The following MCF2L2 variants were observed in gnomAD, a reference collection of about 807,000 sequenced individuals.
MCF2L2 encodes the protein probable guanine nucleotide exchange factor MCF2L2.
Under a neutral mutation model 150.2 loss-of-function variants are expected in MCF2L2, and 102 were observed. The ratio of observed to expected loss-of-function variants is 0.68; its 90% CI spans 0.58 to 0.80. MCF2L2 has a LOEUF of 0.80. Among genes scored for constraint, MCF2L2 ranks in the 30% least tolerant of loss-of-function variants. The probability of loss-of-function intolerance (pLI) is 0.00; values close to 1 mark genes in which losing one functional copy is unlikely to be tolerated. For synonymous variants in MCF2L2, 465 were observed against 491.3 expected, an observed-to-expected ratio of 0.95 and a Z score of 0.71; for missense variants, 1,256 against 1,372.8, an observed-to-expected ratio of 0.91 and a Z score of 1.34.
At position 183,181,322 on chromosome 3, in the gene MCF2L2, C is replaced by CG. The variant is rs145010379; in HGVS notation, c.3017-1164dup. Among the ~76,000 whole-genome samples the CG allele has an allele frequency of 0.026, 3,912 of 151,758 alleles. 171 individuals carry two copies. Among genetic ancestry groups the CG allele is most frequent in the African/African-American group, 0.09 (3,733 of 41,350 alleles). ...GGGGGCTGTGTGAGTAACATGGGGG[C>CG]GGGGGGGCAGCTGGGCAGCACCTCC... On this transcript the variant is annotated intron_variant, in intron 27 of 29. Transcript: ENST00000328913. This position sits in a 1 kb window ranked among gnomAD's most constrained non-coding sequence, Gnocchi z 4.3.
At chr3:183,358,277 G>C (rs1160668455) in intron 3 of MCF2L2, among the ~76,000 whole-genome samples, 2 of 151,972 alleles carry the variant, frequency 1.3e-5, no homozygotes, top group Non-Finnish European at 2.9e-5. Flanking sequence ...TGGGCAATGA[G>C]AGCGAAACTC....
In MCF2L2 at chr3:183,428,031, C is replaced by A; in HGVS notation, c.-54G>T. The A allele has an allele frequency of 7.3e-7, 1 of 1,373,618 alleles. No individual in the cohort carries two copies. The highest frequency in any genetic ancestry group is 1.2e-5 in the South Asian group (1 of 86,200). The allele number at this position is 1,373,618 out of a possible 1,614,324, so 85.1% of individuals were successfully genotyped here. A position where few individuals can be genotyped will look rare whatever the true frequency, so the allele number is the denominator to read the frequency against. On this transcript the variant is annotated 5_prime_UTR_variant, in exon 1 of 30. Transcript: ENST00000328913. This position sits in a 1 kb window ranked among gnomAD's most constrained non-coding sequence, Gnocchi z 5.1. Reference sequence around the variant, plus strand: ...AAGCCAAACAAAACTGTTTCTACCGCTGCGGTGGATGATTTTTTAAAGGCA... The same window carrying A: ...AAGCCAAACAAAACTGTTTCTACCGATGCGGTGGATGATTTTTTAAAGGCA...
intron 15 of MCF2L2, among the ~76,000 whole-genome samples, chr3:183,242,906 G>T (rs1397200272): frequency 2.0e-5 from 3 of 152,230 alleles, no homozygotes; most frequent in African/African-American, 7.2e-5. Context: ...CAAGGCTGTG[G>T]TGGGAACCCA....
rs79944327 is a variant in MCF2L2, at chr3:183,228,828, C to T, written c.2046-462G>A. Among the ~76,000 whole-genome samples the T allele has an allele frequency of 7.7e-3, 1,165 of 152,252 alleles. 5 individuals are homozygous for T. The highest frequency in any genetic ancestry group is 0.027 in the African/African-American group (1,124 of 41,554). On this transcript the variant is annotated intron_variant, in intron 17 of 29. Coordinates refer to ENST00000328913, the MANE Select transcript of MCF2L2 (RefSeq NM_015078.4). ...ACTGCTGCTGCTGCTGTTGCTATTA[C>T]TAATATCATTGACAGCTTACTATAA...
At chr3:183,230,854 T>C (rs1723523351) in intron 16 of MCF2L2, 97 bp downstream of exon 16, 3 of 853,030 alleles carry the variant, frequency 3.5e-6, no homozygotes, top group Non-Finnish European at 5.7e-6. Flanking sequence ...TGGTGGGAAT[T>C]CTGGAGACTT....
At chr3:183,229,904 G>C (rs1313109820) in intron 16 of MCF2L2, 123 bp from the exon 17 acceptor site, 1 of 487,068 alleles carries the variant, frequency 2.1e-6, no homozygotes, top group Non-Finnish European at 3.7e-6. Flanking sequence ...CTTGTTTCTT[G>C]AAAGCTATCG....
At chr3:183,350,570 G>A (rs952844948) in intron 3 of MCF2L2, among the ~76,000 whole-genome samples, 8 of 152,116 alleles carry the variant, frequency 5.3e-5, no homozygotes, top group Non-Finnish European at 7.4e-5. Flanking sequence ...AGAATGCTTC[G>A]AAAAATAACT....
chr3:183,288,871 T>C (rs1420063445), intron 14 of MCF2L2, among the ~76,000 whole-genome samples: 1 of 152,196 alleles, frequency 6.6e-6, no homozygotes, highest in African/African-American at 2.4e-5. Context: ...GATTTTTCTT[T>C]TACTACAACA....
chr3:183,179,807 G>A lies in MCF2L2; in HGVS notation c.3106-115C>T. On this transcript the variant is annotated intron_variant, in intron 28 of 29. Transcript: ENST00000328913. This position sits in a 1 kb window ranked among gnomAD's most constrained non-coding sequence, Gnocchi z 4.2. Reference sequence around the variant, plus strand: ...AGGCCCACCCCAGCCCTCCCACCTGGGCCACGGGGCTCTCAGCGGGAGCCC... The same window carrying A: ...AGGCCCACCCCAGCCCTCCCACCTGAGCCACGGGGCTCTCAGCGGGAGCCC... 1.1e-6 allele frequency: 1 copy of A among 903,312 alleles called. No individual in the cohort carries two copies. Among genetic ancestry groups the A allele is most frequent in the Non-Finnish European group, 1.7e-6 (1 of 574,982 alleles). 56.0% of individuals were successfully genotyped at this position (903,312 alleles called of 1,614,324 possible).
chr3:183,208,163 C>A (rs1354599270), intron 22 of MCF2L2, among the ~76,000 whole-genome samples: 4 of 152,180 alleles, frequency 2.6e-5, no homozygotes, highest in African/African-American at 9.7e-5. Context: ...ATGTTTGATA[C>A]ATGACAGTCT....
rs142777299 is a variant in MCF2L2 at position 183,244,789 on chromosome 3, T to C, written c.1863-13772A>G. ...CAGTTCAAATAGAGGCCCAGGGCTC[T>C]GAAACATTGCCCAAGGTCTATGGCT... On this transcript the variant is annotated intron_variant, in intron 15 of 29. Coordinates refer to ENST00000328913, the MANE Select transcript of MCF2L2 (RefSeq NM_015078.4). Among the ~76,000 whole-genome samples, 1,071 of 152,238 alleles carry C rather than the reference T, an allele frequency of 7.0e-3. 12 individuals carry two copies. Among genetic ancestry groups the C allele is most frequent in the African/African-American group, 0.024 (1,009 of 41,544 alleles).
At chr3:183,248,615 G>A (rs562229054) in intron 15 of MCF2L2, among the ~76,000 whole-genome samples, 5 of 152,190 alleles carry the variant, frequency 3.3e-5, no homozygotes, top group Admixed American at 2.0e-4. Context: ...CAGGTGGATC[G>A]CTTGAGCCCA....
intron 15 of MCF2L2, chr3:183,272,320 A>T: frequency 1.0e-6 from 1 of 1,000,328 alleles, no homozygotes; most frequent in Non-Finnish European, 1.2e-6. Context: ...GGCCAAAATA[A>T]TGACTTCAGC....
At chr3:183,364,925 A>G (rs546230594) in intron 3 of MCF2L2, among the ~76,000 whole-genome samples, 4 of 152,340 alleles carry the variant, frequency 2.6e-5, no homozygotes, top group Admixed American at 2.0e-4. Flanking sequence ...TACAAAATCA[A>G]TGACCACATA....
intron 6 of MCF2L2, among the ~76,000 whole-genome samples, chr3:183,319,770 G>T (rs1287873571): frequency 1.3e-5 from 2 of 152,150 alleles, no homozygotes; most frequent in East Asian, 3.9e-4. Context: ...CTCAACAGGT[G>T]GCTTAAAATA....
intron 10 of MCF2L2, among the ~76,000 whole-genome samples, chr3:183,301,893 A>G (rs979335497): frequency 2.0e-5 from 3 of 151,970 alleles, no homozygotes; most frequent in African/African-American, 7.3e-5. Context: ...AGGAACTTAG[A>G]TTTTTGGGAA....
In MCF2L2 at chr3:183,197,558, T is replaced by A. The variant is rs1169716229; in HGVS notation, c.2885-2303A>T. 6.6e-6 allele frequency among the ~76,000 whole-genome samples: 1 copy of A among 152,200 alleles called. No homozygotes were observed. The highest frequency in any genetic ancestry group is 1.5e-5 in the Non-Finnish European group (1 of 68,026). ...GGAGAAAATCTTTATGGCTTTTAGA[T>A]AACGATTTCTTAGGCAGGATACCGA... On this transcript the variant is annotated intron_variant, in intron 25 of 29. Coordinates refer to ENST00000328913, the MANE Select transcript of MCF2L2 (RefSeq NM_015078.4). This position sits in a 1 kb window ranked among gnomAD's most constrained non-coding sequence, Gnocchi z 4.5.
chr3:183,280,854 A>C (rs75244208), intron 14 of MCF2L2, among the ~76,000 whole-genome samples: 3,882 of 151,722 alleles, frequency 0.026, 184 homozygotes, highest in African/African-American at 0.086. Context: ...TCAAAAAAAA[A>C]AAAAAAAACA....
chr3:183,348,053 A>G (rs1435488926), intron 3 of MCF2L2, among the ~76,000 whole-genome samples: 2 of 152,218 alleles, frequency 1.3e-5, no homozygotes, highest in African/African-American at 4.8e-5. Context: ...ATTACCGGGT[A>G]TATACCCAAA....
Sources: allele counts gnomAD v4.1 joint callset (sites outside exome capture counted in the v4.1 genomes callset), GRCh38; gene constraint gnomAD v4.1.1; non-coding constraint Gnocchi (gnomAD v3.1); transcripts MANE v1.5; gene names NCBI Gene and HGNC (gene_info 2026-07-23, HGNC 2026-07-21).